The following ADAM15 variants were observed in gnomAD, a reference collection of about 807,000 sequenced individuals.
The protein encoded by ADAM15 is disintegrin and metalloproteinase domain-containing protein 15.
ADAM15 carries 77 observed loss-of-function variants against 113.8 expected under a neutral mutation model. The ratio of observed to expected loss-of-function variants is 0.68; its 90% CI spans 0.56 to 0.82. The LOEUF (loss-of-function observed/expected upper bound fraction) is 0.82. Ranked by LOEUF, ADAM15 falls within the 40% of genes least tolerant of loss-of-function variation. The pLI, the probability that ADAM15 is intolerant of heterozygous loss-of-function variation, is 0.00. For synonymous variants in ADAM15, 388 were observed against 454.1 expected (o/e 0.85, Z 1.85); for missense variants, 963 against 1,120.1 (o/e 0.86, Z 2.00).
In ADAM15 at chr1:155,057,973, T is replaced by C. The variant is rs146253896; in HGVS notation, c.1539T>C (p.Ala513=). The change falls in exon 14 of 23, where the codon GCT becomes GCC. Residue 513 remains alanine (A), a synonymous_variant. Transcript: ENST00000356955. The surrounding 1 kb of genome is among the most constrained non-coding windows in gnomAD (Gnocchi z 5.0). The part of the protein sequence containing the change: ...DVSLGDGEPC[A]GGQAVCMHGR... ...GCCTAGGGGATGGCGAGCCCTGCGCTGGCGGGCAAGCTGTGTGCATGCACG... is the reference window on the plus strand; with the variant it reads ...GCCTAGGGGATGGCGAGCCCTGCGCCGGCGGGCAAGCTGTGTGCATGCACG... The C allele has an allele frequency of 2.3e-4, 364 of 1,612,920 alleles. No individual in the cohort carries two copies. Among genetic ancestry groups the C allele is most frequent in the Non-Finnish European group, 2.9e-4 (338 of 1,180,046 alleles).
rs1382496570 is a variant in ADAM15 at position 155,062,272 on chromosome 1, C to G, written c.2452C>G (p.Pro818Ala). 2.7e-6 allele frequency: 4 copies of G among 1,466,150 alleles called. No homozygotes were observed. In the African/African-American group the frequency reaches 5.7e-5, roughly 21 times the overall value. 90.8% of individuals were successfully genotyped at this position (1,466,150 alleles called of 1,614,324 possible). ...KSQGPAKPPP[P>A]RKPLPADPQG... ...TCAGGGGCCAGCCAAGCCCCCACCC[C>G]CAAGGAAGCCACTGCCTGCCGACCC... The change falls in exon 22 of 23, where the codon CCA (proline) becomes GCA (alanine). Residue 818 changes from proline (P) to alanine (A), a missense_variant. Pro to Ala is a conservative substitution (Grantham distance 27, BLOSUM62 -1). Transcript: ENST00000356955. This position sits in a 1 kb window ranked among gnomAD's most constrained non-coding sequence, Gnocchi z 7.0.
In ADAM15 at chr1:155,060,852, G is replaced by A. The variant is rs375404783; in HGVS notation, c.2277+20G>A. 1 of 1,604,094 alleles carries A rather than the reference G, an allele frequency of 6.2e-7. No homozygotes were observed. Among genetic ancestry groups the A allele is most frequent in the African/African-American group, 1.3e-5 (1 of 74,988 alleles). On this transcript the variant is annotated intron_variant, in intron 19 of 22. Coordinates refer to ENST00000356955, the MANE Select transcript of ADAM15 (RefSeq NM_207197.3). ...ACTAAGGTGAGTCCTGGATGCCAGA[G>A]GAAGGGGACTCCACCTTGGCCGGGC...
intron 4 of ADAM15, 68 bp from the exon 5 acceptor site, chr1:155,054,082 G>C (rs1661446168): frequency 3.7e-6 from 6 of 1,612,680 alleles, no homozygotes; most frequent in Non-Finnish European, 5.1e-6. Context: ...TTACCGTCAA[G>C]CTAGGCTCCT....
At chr1:155,060,143 G>A (rs1226274312) in intron 17 of ADAM15, 62 bp from the exon 18 acceptor site, 4 of 1,599,868 alleles carry the variant, frequency 2.5e-6, no homozygotes, top group Non-Finnish European at 3.4e-6. Flanking sequence ...CCTGCCCCCT[G>A]CGCCTTCATG....
Position 155,056,468 on chromosome 1 carries a change from A to G in ADAM15, c.997A>G (p.Met333Val), listed in dbSNP as rs776868921. ...CSPDFSGGVN[M>V]DHSTSILGVA... ...TCCTGACTTCTCAGGAGGTGTGAAC[A>G]TGGTGAGTTATTTCCAGGTCTCCTC... The change falls in exon 10 of 23, where the codon ATG (methionine) becomes GTG (valine). Residue 333 changes from methionine to valine, a missense_variant and splice_region_variant. Transcript: ENST00000356955. This position sits in a 1 kb window ranked among gnomAD's most constrained non-coding sequence, Gnocchi z 4.0. 1 of 1,613,616 alleles carries G rather than the reference A, an allele frequency of 6.2e-7. No individual in the cohort carries two copies. The highest frequency in any genetic ancestry group is 2.2e-5 in the East Asian group (1 of 44,880).
chr1:155,062,702 T>C lies in ADAM15; in HGVS notation c.*200T>C, dbSNP rs979644327. 63 of 687,814 alleles carry C rather than the reference T, an allele frequency of 9.2e-5. 2 individuals are homozygous for C. Among genetic ancestry groups the C allele is most frequent in the Middle Eastern group, 8.2e-4 (2 of 2,446 alleles). 42.6% of individuals were successfully genotyped at this position (687,814 alleles called of 1,614,324 possible). A position where few individuals can be genotyped will look rare whatever the true frequency, so the allele number is the denominator to read the frequency against. ...CGGGGGCTTGGGGAGGGGCTGGGGG[T>C]TGGACGGGATTGAGGAAGGTCCGCA... On this transcript the variant is annotated 3_prime_UTR_variant, in exon 23 of 23. Transcript: ENST00000356955. This position sits in a 1 kb window ranked among gnomAD's most constrained non-coding sequence, Gnocchi z 7.0.
intron 19 of ADAM15, 91 bp from the exon 20 acceptor site, chr1:155,061,324 G>GC (rs1247523965): frequency 4.0e-5 from 35 of 880,890 alleles, no homozygotes; most frequent in Middle Eastern, 3.1e-4. Context: ...GCCCCTGCTG[G>GC]CCCCCCCTGG....
In ADAM15 at chr1:155,060,302, C is replaced by T. The variant is rs767851295; in HGVS notation, c.2166C>T (p.His722=). The part of the protein sequence containing the change: ...GASYWYRARL[H]QRLCQLKGPT... ...GCTACTGGTACCGTGCCCGCCTGCA[C>T]CAGCGACTCTGCCAGCTCAAGGGAC... The change falls in exon 18 of 23, where the codon CAC becomes CAT. Residue 722 remains histidine (H), a synonymous_variant. Coordinates refer to ENST00000356955, the MANE Select transcript of ADAM15 (RefSeq NM_207197.3). 3 of 1,614,104 alleles carry T rather than the reference C, an allele frequency of 1.9e-6. No homozygotes were observed. Among genetic ancestry groups the T allele is most frequent in the Admixed American group, 1.7e-5 (1 of 60,010 alleles).
chr1:155,054,617 C>T (rs1661520193), intron 6 of ADAM15, 111 bp downstream of exon 6: 5 of 1,207,054 alleles, frequency 4.1e-6, no homozygotes, highest in Non-Finnish European at 5.6e-6. Context: ...GAGCACTTTC[C>T]ACATGCTGGG....
chr1:155,057,620 C>A lies in ADAM15; in HGVS notation c.1324-17C>A. ...CCCACCTGCTCTGATGCCCGGCCCC[C>A]GTGCTCCTGCCCACAGGACTGCGTC... On this transcript the variant is annotated splice_polypyrimidine_tract_variant and intron_variant, in intron 12 of 22. Transcript: ENST00000356955. This position sits in a 1 kb window ranked among gnomAD's most constrained non-coding sequence, Gnocchi z 5.0. The A allele has an allele frequency of 6.2e-7, 1 of 1,613,886 alleles. No individual in the cohort carries two copies. The highest frequency in any genetic ancestry group is 8.5e-7 in the Non-Finnish European group (1 of 1,179,800).
rs898300188 is a variant in ADAM15, at chr1:155,059,129, G to A, written c.1995+342G>A. Among the ~76,000 whole-genome samples the A allele has an allele frequency of 5.3e-5, 8 of 152,234 alleles. 1 individual carries two copies. The South Asian group carries it at 1.0e-3, about 20-fold the overall frequency. ...GTTGCCTAGGCTGGAGTGCGCTGGC[G>A]TGATCTCGGCTCACTGCAACCTCTG... On this transcript the variant is annotated intron_variant, in intron 16 of 22. Transcript: ENST00000356955.
chr1:155,053,613 A>G (rs1425530386), intron 3 of ADAM15, 120 bp downstream of exon 3: 2 of 1,018,630 alleles, frequency 2.0e-6, no homozygotes, highest in African/African-American at 1.6e-5. Flanking sequence ...TATAAGGGAT[A>G]TACTATCATG....
chr1:155,057,646 G>C lies in ADAM15; in HGVS notation c.1333G>C (p.Asp445His), dbSNP rs1035297613. 1 of 1,614,144 alleles carries C rather than the reference G, an allele frequency of 6.2e-7. No individual in the cohort carries two copies. The highest frequency in any genetic ancestry group is 2.2e-5 in the East Asian group (1 of 44,878). The change falls in exon 13 of 23, where the codon GAT (aspartate) becomes CAT (histidine). Residue 445 changes from aspartate (D) to histidine (H), a missense_variant. By Grantham distance (81) the Asp-to-His change is moderately conservative. Transcript: ENST00000356955. The surrounding 1 kb of genome is among the most constrained non-coding windows in gnomAD (Gnocchi z 5.0). ...CDCGFLDDCVDPCCDSLTCQL... is the reference protein window; with the variant it reads ...CDCGFLDDCVHPCCDSLTCQL... Reference sequence around the variant, plus strand: ...GTGCTCCTGCCCACAGGACTGCGTCGATCCCTGCTGTGATTCTTTGACCTG... The same window carrying C: ...GTGCTCCTGCCCACAGGACTGCGTCCATCCCTGCTGTGATTCTTTGACCTG...
chr1:155,060,842 G>A lies in ADAM15; in HGVS notation c.2277+10G>A, dbSNP rs755839344. On this transcript the variant is annotated intron_variant, in intron 19 of 22. Coordinates refer to ENST00000356955, the MANE Select transcript of ADAM15 (RefSeq NM_207197.3). ...GGCACGAGGCACTAAGGTGAGTCCTGGATGCCAGAGGAAGGGGACTCCACC... is the reference window on the plus strand; with the variant it reads ...GGCACGAGGCACTAAGGTGAGTCCTAGATGCCAGAGGAAGGGGACTCCACC... The A allele has an allele frequency of 1.3e-5, 21 of 1,606,470 alleles. No individual in the cohort carries two copies. Among genetic ancestry groups the A allele is most frequent in the African/African-American group, 6.7e-5 (5 of 74,884 alleles).
chr1:155,062,152 C>T lies in ADAM15; in HGVS notation c.2425-93C>T. The T allele has an allele frequency of 6.9e-7, 1 of 1,445,264 alleles. No individual in the cohort carries two copies. 89.5% of individuals were successfully genotyped at this position (1,445,264 alleles called of 1,614,324 possible). The stretch of plus-strand genomic sequence containing the variant: ...CAGACAAGGGTGACCGCTGGTGCTG[C>T]CCCCAAGCTGGTGTTCCCCAGCACC... On this transcript the variant is annotated intron_variant, in intron 21 of 22. Transcript: ENST00000356955. The surrounding 1 kb of genome is among the most constrained non-coding windows in gnomAD (Gnocchi z 7.0).
In ADAM15 at chr1:155,057,573, G is replaced by A; in HGVS notation, c.1324-64G>A. The A allele has an allele frequency of 6.3e-7, 1 of 1,582,240 alleles. No individual in the cohort carries two copies. The highest frequency in any genetic ancestry group is 1.1e-5 in the South Asian group (1 of 90,250). The stretch of plus-strand genomic sequence containing the variant: ...GGTCTTGGCCTGTGGGAGGAGGAGA[G>A]ATTGGAGGGAGGCTCACAGGCCCCA... On this transcript the variant is annotated intron_variant, in intron 12 of 22. Coordinates refer to ENST00000356955, the MANE Select transcript of ADAM15 (RefSeq NM_207197.3). This position sits in a 1 kb window ranked among gnomAD's most constrained non-coding sequence, Gnocchi z 5.0.
rs1439993042 is a variant in ADAM15 at position 155,055,866 on chromosome 1, C to G, written c.675+14C>G. 2.5e-6 allele frequency: 4 copies of G among 1,614,214 alleles called. No individual in the cohort carries two copies. Among genetic ancestry groups the G allele is most frequent in the Non-Finnish European group, 3.4e-6 (4 of 1,180,032 alleles). ...GATCACTCGGAGGTGAGCCTGCTGGCCCCTGCACATCCTCCTCCCCCTGCA... is the reference window on the plus strand; with the variant it reads ...GATCACTCGGAGGTGAGCCTGCTGGGCCCTGCACATCCTCCTCCCCCTGCA... On this transcript the variant is annotated intron_variant, in intron 7 of 22. Coordinates refer to ENST00000356955, the MANE Select transcript of ADAM15 (RefSeq NM_207197.3).
chr1:155,055,869 C>G lies in ADAM15; in HGVS notation c.675+17C>G, dbSNP rs1661689429. ...CACTCGGAGGTGAGCCTGCTGGCCC[C>G]TGCACATCCTCCTCCCCCTGCACTG... On this transcript the variant is annotated intron_variant, in intron 7 of 22. Coordinates refer to ENST00000356955, the MANE Select transcript of ADAM15 (RefSeq NM_207197.3). 1 of 1,614,126 alleles carries G rather than the reference C, an allele frequency of 6.2e-7. No individual in the cohort carries two copies. The highest frequency in any genetic ancestry group is 1.7e-5 in the Admixed American group (1 of 60,014).
intron 6 of ADAM15, 150 bp downstream of exon 6, chr1:155,054,656 C>A: frequency 1.3e-6 from 1 of 743,866 alleles, no homozygotes; most frequent in Non-Finnish European, 2.0e-6. Flanking sequence ...TCGTGTACTC[C>A]TCCCATACCT....
Sources: gnomAD v4.1 joint callset for allele counts (sites outside exome capture counted in the v4.1 genomes callset) on GRCh38, gnomAD v4.1.1 for gene constraint, Gnocchi (gnomAD v3.1) non-coding constraint, MANE v1.5 for transcripts, NCBI Gene and HGNC (gene_info 2026-07-23, HGNC 2026-07-21) for gene names.